ATP8B1: variants seen among roughly 807,000 people sequenced by gnomAD.
The protein encoded by ATP8B1 is phospholipid-transporting ATPase IC.
ATP8B1 carries 80 observed loss-of-function variants against 149.9 expected under a neutral mutation model. The observed-to-expected ratio is 0.53, with a 90% CI of 0.45 to 0.64. The LOEUF (loss-of-function observed/expected upper bound fraction) is 0.64. ATP8B1 is among the 30% of genes least tolerant of loss of function. The pLI is 0.00. For missense variants in ATP8B1, 1,247 were observed against 1,552.6 expected, an observed-to-expected ratio of 0.80 and a Z score of 3.31; for synonymous variants, 536 against 562.8, an observed-to-expected ratio of 0.95 and a Z score of 0.67.
Position 57,672,930 on chromosome 18 carries a change from A to G in ATP8B1, c.1820-1350T>C, listed in dbSNP as rs1223553784. ...TATATATATATATATATATATATAT[A>G]TAACATGTATATACACATATATACA... On this transcript the variant is annotated intron_variant, in intron 16 of 27. Transcript: ENST00000648908. Among the ~76,000 whole-genome samples the G allele has an allele frequency of 8.8e-4, 27 of 30,712 alleles. 4 individuals are homozygous for G. The East Asian group carries it at 0.018, about 21-fold the overall frequency. 20.1% of individuals were successfully genotyped at this position (30,712 alleles called of 152,430 possible). A position where few individuals can be genotyped will look rare whatever the true frequency, so the allele number is the denominator to read the frequency against.
chr18:57,672,866 C>CA (rs869293441), intron 16 of ATP8B1, among the ~76,000 whole-genome samples: 47 of 33,690 alleles, frequency 1.4e-3, no homozygotes, highest in South Asian at 2.8e-3. Context: ...AACTCTGTCT[C>CA]AAAAAAAAAA....
chr18:57,694,820 A>G (rs1912721635), intron 10 of ATP8B1, 150 bp from the exon 11 acceptor site: 1 of 690,312 alleles, frequency 1.4e-6, no homozygotes. Flanking sequence ...ACCTGAGGTC[A>G]GGGGTTCGAG....
chr18:57,662,369 G>C (rs1056791949), intron 21 of ATP8B1, 114 bp downstream of exon 21: 3 of 1,302,920 alleles, frequency 2.3e-6, no homozygotes, highest in Non-Finnish European at 3.3e-6. Flanking sequence ...ACACTTTCAT[G>C]TATAGGCTAA....
intron 6 of ATP8B1, 35 bp downstream of exon 6, chr18:57,701,004 A>G: frequency 6.4e-7 from 1 of 1,572,710 alleles, no homozygotes; most frequent in Non-Finnish European, 8.8e-7. Context: ...TATGCATTAC[A>G]TCCTTGAAAC....
At chr18:57,795,918 C>T (rs1435437273) in intron 1 of ATP8B1, among the ~76,000 whole-genome samples, 1 of 152,036 alleles carries the variant, frequency 6.6e-6, no homozygotes, top group Non-Finnish European at 1.5e-5. Flanking sequence ...CCTGTAATCC[C>T]AACACTTTGG....
intron 15 of ATP8B1, among the ~76,000 whole-genome samples, chr18:57,680,610 C>CAA (rs752733419): frequency 2.8e-5 from 4 of 143,480 alleles, no homozygotes; most frequent in African/African-American, 1.0e-4. Flanking sequence ...CAAAACAAAA[C>CAA]AAAACAAAAA....
chr18:57,697,216 T>C (rs1451169457), intron 8 of ATP8B1, among the ~76,000 whole-genome samples: 2 of 152,044 alleles, frequency 1.3e-5, no homozygotes, highest in African/African-American at 4.8e-5. Flanking sequence ...TGAGCTGAGA[T>C]AGCACCACTA....
At chr18:57,733,261 A>G (rs1806184246) in intron 1 of ATP8B1, among the ~76,000 whole-genome samples, 1 of 152,220 alleles carries the variant, frequency 6.6e-6, no homozygotes, top group East Asian at 1.9e-4. Flanking sequence ...TGTTAACTGC[A>G]TGCCAAGCCT....
At chr18:57,771,405 G>GCAATTCCCTTACTTCCTGATCCTT (rs2080261798) in intron 1 of ATP8B1, among the ~76,000 whole-genome samples, 1 of 152,094 alleles carries the variant, frequency 6.6e-6, no homozygotes, top group Non-Finnish European at 1.5e-5. Flanking sequence ...CTATTGTTAG[G>GCAATTCCCTTACTTCCTGATCCTT]CAATTCCCTT....
chr18:57,730,924 CTGAT>C (rs1440214098), intron 2 of ATP8B1, among the ~76,000 whole-genome samples: 2 of 152,016 alleles, frequency 1.3e-5, no homozygotes, highest in African/African-American at 4.8e-5. Flanking sequence ...ACATCTAAGA[CTGAT>C]TGATATGTAT....
At chr18:57,738,109 C>T (rs2079876525) in intron 1 of ATP8B1, 1 of 152,112 alleles carries the variant, frequency 6.6e-6, no homozygotes, top group Admixed American at 6.5e-5. Flanking sequence ...AAGATTTTCC[C>T]AGATCTAAAT....
At chr18:57,700,383 C>T (rs1161480923) in intron 6 of ATP8B1, among the ~76,000 whole-genome samples, 1 of 152,032 alleles carries the variant, frequency 6.6e-6, no homozygotes. Flanking sequence ...AGTGATTAGA[C>T]GACTGCCTCC....
At chr18:57,693,321 C>T (rs1160756876) in intron 11 of ATP8B1, among the ~76,000 whole-genome samples, 1 of 152,162 alleles carries the variant, frequency 6.6e-6, no homozygotes, top group Non-Finnish European at 1.5e-5. Flanking sequence ...AGACTGCTTC[C>T]TCCGAAGGCC....
chr18:57,707,672 C>A (rs1913477209), intron 2 of ATP8B1, among the ~76,000 whole-genome samples: 1 of 151,570 alleles, frequency 6.6e-6, no homozygotes, highest in Non-Finnish European at 1.5e-5. Flanking sequence ...CCACACCCGG[C>A]TAATTTTTGT....
intron 1 of ATP8B1, among the ~76,000 whole-genome samples, chr18:57,795,681 T>C (rs1272898621): frequency 6.6e-6 from 1 of 152,050 alleles, no homozygotes; most frequent in Non-Finnish European, 1.5e-5. Flanking sequence ...GAAAGCAGAA[T>C]AGAGGTTACA....
At chr18:57,717,487 G>A (rs1200403877) in intron 2 of ATP8B1, among the ~76,000 whole-genome samples, 2 of 126,842 alleles carry the variant, frequency 1.6e-5, no homozygotes, top group Non-Finnish European at 3.2e-5. Flanking sequence ...GGCGGAGCTT[G>A]CAGTAAGCCG....
intron 13 of ATP8B1, among the ~76,000 whole-genome samples, chr18:57,685,973 T>C (rs1343158225): frequency 6.7e-6 from 1 of 149,188 alleles, no homozygotes; most frequent in Non-Finnish European, 1.5e-5. Flanking sequence ...GTAGGCCGGG[T>C]GTGGTGGCTC....
rs752766056 is a variant in ATP8B1, at chr18:57,794,984, G to A, written c.-26+8014C>T. On this transcript the variant is annotated intron_variant, in intron 1 of 27. Transcript: ENST00000648908. Reference sequence around the variant, plus strand: ...AGCATGGTAATAAATACTATAATACGTGGCCCTGCCCATCTTATTTATGAA... The same window carrying A: ...AGCATGGTAATAAATACTATAATACATGGCCCTGCCCATCTTATTTATGAA... Among the ~76,000 whole-genome samples, 5 of 152,040 alleles carry A rather than the reference G, an allele frequency of 3.3e-5. No individual in the cohort carries two copies. The South Asian group carries it at 6.2e-4, about 19-fold the overall frequency.
chr18:57,795,830 C>A lies in ATP8B1; in HGVS notation c.-26+7168G>T, dbSNP rs2123465825. Among the ~76,000 whole-genome samples the A allele has an allele frequency of 1.3e-5, 2 of 151,788 alleles. 1 individual carries two copies. Among genetic ancestry groups the A allele is most frequent in the South Asian group, 4.2e-4 (2 of 4,798 alleles). On this transcript the variant is annotated intron_variant, in intron 1 of 27. Transcript: ENST00000648908. ...ATGTACCTAATGCCACTGAACTGTG[C>A]ACTGAAAAAGGATCAAGATGGTCAA...
Sources: gnomAD v4.1 joint callset for allele counts (sites outside exome capture counted in the v4.1 genomes callset) on GRCh38, gnomAD v4.1.1 for gene constraint, MANE v1.5 for transcripts, NCBI Gene and HGNC (gene_info 2026-07-23, HGNC 2026-07-21) for gene names.